The following DNAH11 variants were observed in gnomAD, a reference collection of about 807,000 sequenced individuals.
DNAH11 encodes the protein dynein axonemal heavy chain 11.
DNAH11 carries 442 observed loss-of-function variants against 526.0 expected under a neutral mutation model. The observed-to-expected ratio is 0.84, with a 90% confidence interval of 0.78 to 0.91. The LOEUF is 0.91. Among genes scored for constraint, DNAH11 ranks in the 40% least tolerant of loss-of-function variants. The probability of loss-of-function intolerance (pLI) is 0.00; values close to 1 mark genes in which losing one functional copy is unlikely to be tolerated. For synonymous variants in DNAH11, 2,461 were observed against 1,935.9 expected (o/e 1.27, Z -7.12); for missense variants, 6,989 against 5,448.7 (o/e 1.28, Z -8.90).
intron 81 of DNAH11, among the ~76,000 whole-genome samples, 187 bp downstream of exon 81, chr7:21,900,307 A>ATATT (rs1784724819): frequency 6.6e-6 from 1 of 152,200 alleles, no homozygotes; most frequent in African/African-American, 2.4e-5. Flanking sequence ...CCAAACTGTA[A>ATATT]TATTTGGGGT....
intron 51 of DNAH11, 84 bp downstream of exon 51, chr7:21,745,147 A>G: frequency 1.5e-6 from 2 of 1,377,732 alleles, no homozygotes; most frequent in Non-Finnish European, 2.0e-6. Flanking sequence ...AGATCATACT[A>G]AGCACTCTGA....
chr7:21,882,641 CAA>C (rs528069494), intron 75 of DNAH11, among the ~76,000 whole-genome samples: 5 of 152,068 alleles, frequency 3.3e-5, no homozygotes, highest in South Asian at 2.1e-4. Context: ...ATAAAAAATA[CAA>C]AAGATTAGCT....
chr7:21,789,048 G>A (rs1261292241), intron 60 of DNAH11, among the ~76,000 whole-genome samples, 193 bp from the exon 61 acceptor site: 1 of 152,054 alleles, frequency 6.6e-6, no homozygotes, highest in East Asian at 1.9e-4. Flanking sequence ...CAGCACTTTG[G>A]GAGGCTGAGG....
At chr7:21,653,842 G>C (rs1182688491) in intron 28 of DNAH11, among the ~76,000 whole-genome samples, 2 of 152,158 alleles carry the variant, frequency 1.3e-5, no homozygotes, top group Non-Finnish European at 2.9e-5. Context: ...AAAATGAAAA[G>C]GCTGAAAGCT....
intron 18 of DNAH11, 22 bp from the exon 19 acceptor site, chr7:21,606,404 A>C: frequency 1.3e-6 from 2 of 1,575,634 alleles, no homozygotes; most frequent in South Asian, 2.3e-5. Context: ...GTAATTTCGC[A>C]TTTGTGCCTT....
intron 65 of DNAH11, among the ~76,000 whole-genome samples, chr7:21,839,210 A>C (rs943784892): frequency 1.3e-5 from 2 of 152,170 alleles, no homozygotes; most frequent in Non-Finnish European, 2.9e-5. Flanking sequence ...TTGTTTGCCT[A>C]TCAAATTATA....
intron 30 of DNAH11, among the ~76,000 whole-genome samples, chr7:21,660,577 G>C (rs1377639914): frequency 6.6e-6 from 1 of 151,820 alleles, no homozygotes; most frequent in African/African-American, 2.4e-5. Context: ...AAAATGAAAA[G>C]AAGGGACATA....
intron 65 of DNAH11, among the ~76,000 whole-genome samples, chr7:21,836,161 A>G (rs796298862): frequency 1.5e-5 from 2 of 137,562 alleles, no homozygotes; most frequent in African/African-American, 5.4e-5. Flanking sequence ...ACATTGTAAA[A>G]CTGTCCATAC....
chr7:21,860,272 T>G (rs1783007487), intron 68 of DNAH11, among the ~76,000 whole-genome samples: 1 of 129,584 alleles, frequency 7.7e-6, no homozygotes, highest in South Asian at 2.7e-4. Flanking sequence ...TCACACCCAT[T>G]AGAATGGCTA....
rs750580632 is a variant in DNAH11 at position 21,739,606 on chromosome 7, A to G, written c.7847A>G (p.His2616Arg). The G allele has an allele frequency of 7.4e-6, 12 of 1,612,858 alleles. No homozygotes were observed. Among genetic ancestry groups the G allele is most frequent in the East Asian group, 6.7e-5 (3 of 44,876 alleles). Residue 2616 changes from histidine to arginine, a missense_variant, in exon 48 of 82, where the codon CAT (histidine) becomes CGT (arginine). Coordinates refer to ENST00000409508, the MANE Select transcript of DNAH11 (RefSeq NM_001277115.2). ...DRQKVMLKEI[H>R]NCQYVACMNP... is the part of the protein sequence containing the mutation. ...CAGAAGGTGATGCTTAAAGAAATCC[A>G]TAACTGCCAGTATGTCGCCTGCATG...
At chr7:21,544,031 C>A (rs1219550731) in intron 1 of DNAH11, among the ~76,000 whole-genome samples, 1 of 152,128 alleles carries the variant, frequency 6.6e-6, no homozygotes, top group Non-Finnish European at 1.5e-5. Flanking sequence ...TACGTGCCAA[C>A]AACACTTCAC....
chr7:21,615,543 A>C (rs969729298), intron 21 of DNAH11, among the ~76,000 whole-genome samples: 1 of 151,394 alleles, frequency 6.6e-6, no homozygotes, highest in African/African-American at 2.4e-5. Flanking sequence ...AAAGAATATA[A>C]ATAAAATAAA....
At position 21,900,262 on chromosome 7, in the gene DNAH11, A is replaced by ATAATT. The variant is rs754692274; in HGVS notation, c.13303+146_13303+150dup. ...TCATTATCTCATTTCTTCCTCTTAA[A>ATAATT]TAATTTAAGTGCTGGGATGTGTGTC... On this transcript the variant is annotated intron_variant, in intron 81 of 81. Transcript: ENST00000409508. The ATAATT allele has an allele frequency of 4.1e-4, 405 of 996,028 alleles. 1 individual carries two copies. Among genetic ancestry groups the ATAATT allele is most frequent in the Admixed American group, 1.2e-3 (35 of 29,168 alleles). The allele number at this position is 996,028 out of a possible 1,614,324, so 61.7% of individuals were successfully genotyped here. A position where few individuals can be genotyped will look rare whatever the true frequency, so the allele number is the denominator to read the frequency against.
chr7:21,657,708 G>C (rs1335980610), intron 29 of DNAH11, among the ~76,000 whole-genome samples: 1 of 152,158 alleles, frequency 6.6e-6, no homozygotes, highest in Non-Finnish European at 1.5e-5. Flanking sequence ...GGTTAGATCA[G>C]AACAACCTGA....
In DNAH11 at chr7:21,635,882, G is replaced by C; in HGVS notation, c.4512G>C (p.Gln1504His). The C allele has an allele frequency of 6.2e-7, 1 of 1,609,640 alleles. No individual in the cohort carries two copies. Among genetic ancestry groups the C allele is most frequent in the Non-Finnish European group, 8.5e-7 (1 of 1,177,748 alleles). Residue 1504 changes from glutamine to histidine, a missense_variant, in exon 26 of 82, where the codon CAG (glutamine) becomes CAC (histidine). Coordinates refer to ENST00000409508, the MANE Select transcript of DNAH11 (RefSeq NM_001277115.2). Reference protein sequence around the residue: ...ETLEHNQVQLQTLLQSKYVEY... With the variant: ...ETLEHNQVQLHTLLQSKYVEY... ...TGCCTTTATTTTAGGTTCAGTTGCA[G>C]ACTCTTCTTCAAAGCAAGTATGTAG...
intron 2 of DNAH11, among the ~76,000 whole-genome samples, chr7:21,555,786 A>C (rs778761492): frequency 6.6e-6 from 1 of 152,066 alleles, no homozygotes; most frequent in Non-Finnish European, 1.5e-5. Flanking sequence ...GGGATCCAGG[A>C]CGCCTGGATA....
At chr7:21,895,229 C>G (rs755728898) in intron 79 of DNAH11, among the ~76,000 whole-genome samples, 4 of 152,188 alleles carry the variant, frequency 2.6e-5, no homozygotes, top group African/African-American at 9.7e-5. Flanking sequence ...CTGTCGCTCA[C>G]TCATTGATAC....
At position 21,808,176 on chromosome 7, in the gene DNAH11, A is replaced by G. The variant is rs1367777614; in HGVS notation, c.10332+127A>G. ...AGAACTGACCAGAAATTCCATGGTG[A>G]AATTGTTTCTCATGTGCTGCAGTTT... On this transcript the variant is annotated intron_variant, in intron 63 of 81. Transcript: ENST00000409508. The G allele has an allele frequency of 1.2e-5, 8 of 662,578 alleles. No individual in the cohort carries two copies. In the African/African-American group the frequency reaches 1.3e-4, roughly 11 times the overall value. The allele number at this position is 662,578 out of a possible 1,614,324, so 41.0% of individuals were successfully genotyped here.
intron 20 of DNAH11, among the ~76,000 whole-genome samples, chr7:21,611,667 A>G (rs190409389): frequency 6.6e-6 from 1 of 152,348 alleles, no homozygotes. Flanking sequence ...GCAACCAGAT[A>G]GAAAAGACTG....
Sources: gnomAD v4.1 joint callset for allele counts (sites outside exome capture counted in the v4.1 genomes callset) on GRCh38, gnomAD v4.1.1 for gene constraint, MANE v1.5 for transcripts, NCBI Gene and HGNC (gene_info 2026-07-23, HGNC 2026-07-21) for gene names.